CNTNAP2: variants seen among roughly 807,000 people sequenced by gnomAD.
CNTNAP2 encodes contactin associated protein 2.
A neutral mutation model predicts 155.2 loss-of-function variants in CNTNAP2; 98 were observed. The ratio of observed to expected loss-of-function variants is 0.63; its 90% CI spans 0.54 to 0.75. The LOEUF is 0.75. CNTNAP2 is among the 30% of genes least tolerant of loss of function. The pLI is 0.00. For missense variants in CNTNAP2, 1,727 were observed against 1,688.1 expected (o/e 1.02, Z -0.40); for synonymous variants, 651 against 631.2 (o/e 1.03, Z -0.47).
intron 1 of CNTNAP2, among the ~76,000 whole-genome samples, chr7:146,134,473 A>G (rs1797767075): frequency 6.6e-6 from 1 of 151,570 alleles, no homozygotes; most frequent in Non-Finnish European, 1.5e-5. Flanking sequence ...GAGAGAGGGC[A>G]TCCCTGTCTT....
intron 21 of CNTNAP2, among the ~76,000 whole-genome samples, chr7:148,298,577 C>T (rs1481145049): frequency 6.6e-6 from 1 of 152,144 alleles, no homozygotes. Flanking sequence ...TTTCCTTTGG[C>T]AACACCCTCA....
chr7:148,077,089 C>T (rs1226884981), intron 15 of CNTNAP2, among the ~76,000 whole-genome samples: 1 of 152,016 alleles, frequency 6.6e-6, no homozygotes, highest in East Asian at 1.9e-4. Flanking sequence ...GGGTGGCTCA[C>T]CTGAGGTCGG....
chr7:147,031,723 G>T (rs1337273571), intron 3 of CNTNAP2, among the ~76,000 whole-genome samples: 6 of 152,206 alleles, frequency 3.9e-5, no homozygotes, highest in African/African-American at 1.4e-4. Context: ...TTCCAGACCA[G>T]CCTGGGCAAT....
At chr7:147,118,021 T>G (rs1035724380) in intron 5 of CNTNAP2, among the ~76,000 whole-genome samples, 45 of 151,934 alleles carry the variant, frequency 3.0e-4, no homozygotes, top group Non-Finnish European at 5.9e-5. Flanking sequence ...GAATAAGAAA[T>G]TATACCACTG....
chr7:146,866,688 A>G (rs1795211953), intron 3 of CNTNAP2, among the ~76,000 whole-genome samples: 2 of 152,128 alleles, frequency 1.3e-5, no homozygotes, highest in Admixed American at 1.3e-4. Context: ...ACTTTTGACA[A>G]TTTAATTGGA....
chr7:147,827,742 G>A (rs1584977190), intron 13 of CNTNAP2, among the ~76,000 whole-genome samples: 1 of 152,164 alleles, frequency 6.6e-6, no homozygotes, highest in East Asian at 1.9e-4. Flanking sequence ...AGGTAGGAAG[G>A]AGATGATTTA....
intron 8 of CNTNAP2, among the ~76,000 whole-genome samples, chr7:147,276,512 A>G (rs1200771260): frequency 6.6e-6 from 1 of 152,064 alleles, no homozygotes; most frequent in Non-Finnish European, 1.5e-5. Context: ...TGTCTCAGCT[A>G]TGTTACAGAT....
intron 1 of CNTNAP2, among the ~76,000 whole-genome samples, chr7:146,710,160 A>C (rs1801038081): frequency 6.6e-6 from 1 of 151,968 alleles, no homozygotes; most frequent in South Asian, 2.1e-4. Flanking sequence ...AGATGAATGA[A>C]ACATGGATTA....
chr7:147,772,048 C>T (rs201042465), intron 13 of CNTNAP2, among the ~76,000 whole-genome samples: 2 of 151,164 alleles, frequency 1.3e-5, no homozygotes, highest in Non-Finnish European at 3.0e-5. Context: ...ATAAAACTTA[C>T]AAGCCATAAA....
At chr7:147,060,767 G>A (rs949001371) in intron 4 of CNTNAP2, among the ~76,000 whole-genome samples, 4 of 152,080 alleles carry the variant, frequency 2.6e-5, no homozygotes, top group African/African-American at 7.2e-5. Flanking sequence ...TGGAGGCTGA[G>A]GCAGGAGAAT....
intron 15 of CNTNAP2, among the ~76,000 whole-genome samples, chr7:148,046,209 G>T (rs1264109082): frequency 6.6e-6 from 1 of 152,116 alleles, no homozygotes; most frequent in East Asian, 1.9e-4. Flanking sequence ...GCCTTCCAAA[G>T]TGCTGGGATT....
rs1233224479 is a variant in CNTNAP2, at chr7:146,910,474, A to G, written c.402+70570A>G. Among the ~76,000 whole-genome samples the G allele has an allele frequency of 3.3e-5, 5 of 150,254 alleles. No individual in the cohort carries two copies. The East Asian group carries it at 9.7e-4, about 29-fold the overall frequency. On this transcript the variant is annotated intron_variant, in intron 3 of 23. Transcript: ENST00000361727. The stretch of plus-strand genomic sequence containing the variant: ...AAACAGAGATATAGATCAATGGAAC[A>G]GAACAGAGCCCTCAGAAATAACGCC...
intron 11 of CNTNAP2, among the ~76,000 whole-genome samples, chr7:147,489,013 C>A (rs1189609326): frequency 1.3e-5 from 2 of 152,250 alleles, no homozygotes; most frequent in Non-Finnish European, 2.9e-5. Flanking sequence ...ACTTCTATAC[C>A]AATAATTGCC....
intron 9 of CNTNAP2, among the ~76,000 whole-genome samples, chr7:147,381,803 C>T (rs1346473441): frequency 6.6e-6 from 1 of 151,624 alleles, no homozygotes; most frequent in Non-Finnish European, 1.5e-5. Context: ...AATGTTAAAC[C>T]AACTTTAGTA....
In CNTNAP2 at chr7:148,247,651, A is replaced by AT. The variant is rs1299873575; in HGVS notation, c.3381+17875dup. On this transcript the variant is annotated intron_variant, in intron 20 of 23. Transcript: ENST00000361727. ...TATTTATTTATTTATTTATTTATTT[A>AT]TTTATTTATTTATTTTTTTGGAGAT... 1.9e-3 allele frequency among the ~76,000 whole-genome samples: 230 copies of AT among 121,616 alleles called. 4 individuals are homozygous for AT. Among genetic ancestry groups the AT allele is most frequent in the Middle Eastern group, 3.9e-3 (1 of 254 alleles). 79.8% of individuals were successfully genotyped at this position (121,616 alleles called of 152,430 possible).
intron 1 of CNTNAP2, among the ~76,000 whole-genome samples, chr7:146,744,728 T>C (rs1801780626): frequency 6.6e-6 from 1 of 152,142 alleles, no homozygotes; most frequent in Admixed American, 6.5e-5. Flanking sequence ...TCAGTGGTGG[T>C]AAATGTTTCT....
intron 8 of CNTNAP2, among the ~76,000 whole-genome samples, chr7:147,292,196 C>G (rs1348051948): frequency 6.6e-6 from 1 of 152,114 alleles, no homozygotes; most frequent in Admixed American, 6.5e-5. Flanking sequence ...CCTTTCAGAA[C>G]TATTTTTTTG....
At chr7:147,637,616 T>A (rs567587024) in intron 12 of CNTNAP2, among the ~76,000 whole-genome samples, 32 of 152,300 alleles carry the variant, frequency 2.1e-4, no homozygotes, top group Admixed American at 3.9e-4. Flanking sequence ...TCTATAGAGT[T>A]TCCCACGGGC....
intron 1 of CNTNAP2, among the ~76,000 whole-genome samples, chr7:146,384,638 G>T (rs544912096): frequency 2.7e-4 from 41 of 152,146 alleles, no homozygotes; most frequent in African/African-American, 9.4e-4. Flanking sequence ...TGTAGAGAAA[G>T]AGTACTTTGT....
Sources: allele counts gnomAD v4.1 joint callset (sites outside exome capture counted in the v4.1 genomes callset), GRCh38; gene constraint gnomAD v4.1.1; transcripts MANE v1.5; gene names NCBI Gene and HGNC (gene_info 2026-07-23, HGNC 2026-07-21).